The following HECTD2 variants were observed in gnomAD, a reference collection of about 807,000 sequenced individuals.
The protein encoded by HECTD2 is HECT domain E3 ubiquitin protein ligase 2, also known as probable E3 ubiquitin-protein ligase HECTD2.
A neutral mutation model predicts 103.2 loss-of-function variants in HECTD2; 35 were observed. The observed-to-expected ratio is 0.34, with a 90% CI of 0.26 to 0.45. HECTD2 has a LOEUF of 0.45. HECTD2 is among the 20% of genes least tolerant of loss of function. The pLI, the probability that HECTD2 is intolerant of heterozygous loss-of-function variation, is 1.00. For missense variants in HECTD2, 596 were observed against 937.4 expected, an observed-to-expected ratio of 0.64 and a Z score of 4.76; for synonymous variants, 281 against 329.9, an observed-to-expected ratio of 0.85 and a Z score of 1.61.
intron 8 of HECTD2, among the ~76,000 whole-genome samples, chr10:91,483,297 C>T (rs548753096): frequency 6.6e-6 from 1 of 152,036 alleles, no homozygotes; most frequent in South Asian, 2.1e-4. Context: ...TTTGCACAAG[C>T]TGTTGAGAAT....
rs573554538 is a variant in HECTD2 at position 91,497,821 on chromosome 10, G to A, written c.1681-287G>A. Among the ~76,000 whole-genome samples the A allele has an allele frequency of 2.0e-5, 3 of 152,294 alleles. No individual in the cohort carries two copies. In the South Asian group the frequency reaches 6.2e-4, roughly 32 times the overall value. On this transcript the variant is annotated intron_variant, in intron 15 of 20. Transcript: ENST00000298068. ...ATAAACAGTAATGTGGCAGATAGCA[G>A]TGAATTATGACAGACACTACATTAG...
intron 20 of HECTD2, among the ~76,000 whole-genome samples, chr10:91,504,073 G>A (rs964832352): frequency 6.6e-6 from 1 of 152,116 alleles, no homozygotes; most frequent in Non-Finnish European, 1.5e-5. Flanking sequence ...GGTCCTGTCT[G>A]TTAGAAGGAA....
chr10:91,480,148 G>C (rs1021442741), intron 6 of HECTD2, among the ~76,000 whole-genome samples: 3 of 152,062 alleles, frequency 2.0e-5, no homozygotes, highest in African/African-American at 7.2e-5. Context: ...CAAACTGGGA[G>C]TTAGCTGCTT....
rs1185566811 is a variant in HECTD2 at position 91,484,532 on chromosome 10, T to C, written c.847T>C (p.Leu283=). 3 of 1,609,300 alleles carry C rather than the reference T, an allele frequency of 1.9e-6. No individual in the cohort carries two copies. The highest frequency in any genetic ancestry group is 1.3e-5 in the African/African-American group (1 of 74,662). Residue 283 remains leucine, a synonymous_variant, in exon 9 of 21, where the codon TTG becomes CTG. Transcript: ENST00000298068. Reference sequence around the variant, plus strand: ...ATTGTCCCAGAAGAGGTTCAAACAATTGGTAGAGAGATTGCTGCAATTTAT... The same window carrying C: ...ATTGTCCCAGAAGAGGTTCAAACAACTGGTAGAGAGATTGCTGCAATTTAT... The part of the protein sequence containing the change: ...KKLSQKRFKQ[L]VERLLQFISL...
At position 91,496,309 on chromosome 10, in the gene HECTD2, T is replaced by G. The variant is rs1251518027; in HGVS notation, c.1617T>G (p.Ser539Arg). 8.7e-6 allele frequency: 14 copies of G among 1,612,562 alleles called. No homozygotes were observed. Among genetic ancestry groups the G allele is most frequent in the Non-Finnish European group, 1.0e-5 (12 of 1,178,798 alleles). ...TATTGAGCCCTCCCATCATTCCTAG[T>G]GATCAAAATATACCAGTAGGCATCT... The part of the protein sequence containing the change: ...KKLLSPPIIP[S>R]DQNIPVGICN... The change falls in exon 15 of 21, where the codon AGT becomes AGG. Residue 539 changes from serine to arginine, a missense_variant. Transcript: ENST00000298068.
At chr10:91,503,628 C>A (rs59758370) in intron 20 of HECTD2, among the ~76,000 whole-genome samples, 1 of 152,136 alleles carries the variant, frequency 6.6e-6, no homozygotes, top group African/African-American at 2.4e-5. Flanking sequence ...GAGGGTCCTA[C>A]CCCACGGAGT....
chr10:91,425,309 TTTC>T lies in HECTD2; in HGVS notation c.168_170del (p.Ser57del). On this transcript the variant is annotated inframe_deletion, in exon 2 of 21. Coordinates refer to ENST00000298068, the MANE Select transcript of HECTD2 (RefSeq NM_182765.6). Reference sequence around the variant, plus strand: ...TTGGACAGAGGAGCCAAAGGCCAAATTTCCACTTTCAGCAGTTTTATTTCAGCT... The same window carrying T: ...TTGGACAGAGGAGCCAAAGGCCAAATCACTTTCAGCAGTTTTATTTCAGCT... 6.5e-7 allele frequency: 1 copy of T among 1,543,438 alleles called. No individual in the cohort carries two copies. The highest frequency in any genetic ancestry group is 2.3e-5 in the East Asian group (1 of 42,736).
At chr10:91,490,890 CAAAAAAAAAAAA>C (rs61035151) in intron 11 of HECTD2, among the ~76,000 whole-genome samples, 5 of 13,616 alleles carry the variant, frequency 3.7e-4, no homozygotes, top group Non-Finnish European at 6.0e-4. Context: ...GACTCCGTCT[CAAAAAAAAAAAA>C]AAAAAAAAAA....
At chr10:91,472,000 C>T (rs923945735) in intron 5 of HECTD2, among the ~76,000 whole-genome samples, 1 of 152,104 alleles carries the variant, frequency 6.6e-6, no homozygotes, top group African/African-American at 2.4e-5. Flanking sequence ...GTTTGATTAG[C>T]CAAGGCAATC....
intron 6 of HECTD2, among the ~76,000 whole-genome samples, chr10:91,479,274 T>C (rs1218970488): frequency 2.0e-5 from 3 of 152,222 alleles, no homozygotes; most frequent in African/African-American, 7.2e-5. Flanking sequence ...ATCTCAAAGA[T>C]GGTGACTGGA....
intron 1 of HECTD2, among the ~76,000 whole-genome samples, chr10:91,419,543 T>A (rs752748359): frequency 1.2e-4 from 19 of 152,204 alleles, no homozygotes; most frequent in Non-Finnish European, 2.8e-4. Context: ...GATTTTTGGT[T>A]AGTTATTGTA....
chr10:91,506,892 C>T (rs11498512), intron 20 of HECTD2, among the ~76,000 whole-genome samples: 22,314 of 141,000 alleles, frequency 0.16, 4,749 homozygotes, highest in African/African-American at 0.52. Context: ...ACTGGCAAAA[C>T]GAATCCAGCA....
chr10:91,503,916 G>A (rs974410161), intron 20 of HECTD2, among the ~76,000 whole-genome samples: 7 of 152,322 alleles, frequency 4.6e-5, no homozygotes, highest in South Asian at 2.1e-4. Flanking sequence ...CTCCTAGTAC[G>A]CAGCTGGAGA....
intron 1 of HECTD2, among the ~76,000 whole-genome samples, chr10:91,421,264 T>A (rs1441958264): frequency 6.6e-6 from 1 of 152,196 alleles, no homozygotes; most frequent in East Asian, 1.9e-4. Flanking sequence ...GACCTTTTTT[T>A]TTTCTTGAAA....
chr10:91,512,475 C>T lies in HECTD2; in HGVS notation c.*91C>T. On this transcript the variant is annotated 3_prime_UTR_variant, in exon 21 of 21. Coordinates refer to ENST00000298068, the MANE Select transcript of HECTD2 (RefSeq NM_182765.6). ...CTTTTCATGTTTCTGTCTCAAAACA[C>T]TTTGACAAAGCTCACCAACTTTAAA... is the stretch of plus-strand genomic sequence containing the variant. 1 of 1,178,860 alleles carries T rather than the reference C, an allele frequency of 8.5e-7. No individual in the cohort carries two copies. The highest frequency in any genetic ancestry group is 1.2e-6 in the Non-Finnish European group (1 of 841,926). 73.0% of individuals were successfully genotyped at this position (1,178,860 alleles called of 1,614,324 possible).
At chr10:91,482,843 G>A (rs1355934974) in intron 7 of HECTD2, 124 bp from the exon 8 acceptor site, 1 of 492,982 alleles carries the variant, frequency 2.0e-6, no homozygotes, top group Non-Finnish European at 3.6e-6. Context: ...TAACAAATAG[G>A]TTATTGTTAT....
chr10:91,478,166 A>G (rs1564726924), intron 5 of HECTD2, 35 bp from the exon 6 acceptor site: 1 of 1,421,474 alleles, frequency 7.0e-7, no homozygotes. Flanking sequence ...TAATTTGGTA[A>G]TCCTAATTAC....
chr10:91,437,326 A>G (rs1844161099), intron 2 of HECTD2, among the ~76,000 whole-genome samples: 1 of 151,962 alleles, frequency 6.6e-6, no homozygotes, highest in Admixed American at 6.6e-5. Context: ...TAGATGAAAC[A>G]CCTACATATG....
chr10:91,484,329 C>T (rs751389066), intron 8 of HECTD2, 178 bp from the exon 9 acceptor site: 403 of 1,352,386 alleles, frequency 3.0e-4, no homozygotes, highest in Non-Finnish European at 3.6e-4. Context: ...TCTCATTTAA[C>T]GAAGACAGTA....
Sources: allele counts gnomAD v4.1 joint callset (sites outside exome capture counted in the v4.1 genomes callset), GRCh38; gene constraint gnomAD v4.1.1; transcripts MANE v1.5; gene names NCBI Gene and HGNC (gene_info 2026-07-23, HGNC 2026-07-21).